PDE1A: variants seen among roughly 807,000 people sequenced by gnomAD.
The protein encoded by PDE1A is phosphodiesterase 1A.
In PDE1A, 35 loss-of-function variants were observed where a neutral mutation model predicts 61.7. The ratio of observed to expected loss-of-function variants is 0.57; its 90% CI spans 0.43 to 0.75. The LOEUF is 0.75. Among genes scored for constraint, PDE1A ranks in the 30% least tolerant of loss-of-function variants. The pLI, the probability that PDE1A is intolerant of heterozygous loss-of-function variation, is 0.00. For synonymous variants in PDE1A, 232 were observed against 213.2 expected, an observed-to-expected ratio of 1.09 and a Z score of -0.77; for missense variants, 597 against 630.6, an observed-to-expected ratio of 0.95 and a Z score of 0.57.
At chr2:182,589,269 GAGGAAGGA>G in the PDE1A span, among the ~76,000 whole-genome samples, 48,574 of 121,742 alleles carry the variant, frequency 0.4, 10,508 homozygotes, top group East Asian at 0.65. Flanking sequence ...GGGAGGGAGG[GAGGAAGGA>G]AGGAAGGAAG....
intron 2 of PDE1A, among the ~76,000 whole-genome samples, chr2:182,444,698 G>A (rs964866141): frequency 6.6e-6 from 1 of 151,440 alleles, no homozygotes; most frequent in South Asian, 2.1e-4. Flanking sequence ...CAGTAGTAAT[G>A]GGCATACCTA....
chr2:182,324,802 A>G (rs994512567), intron 1 of PDE1A, among the ~76,000 whole-genome samples: 1 of 152,186 alleles, frequency 6.6e-6, no homozygotes, highest in African/African-American at 2.4e-5. Flanking sequence ...CCCTCAATGC[A>G]AAACCAAGTC....
At chr2:182,199,814 T>TA (rs2125462058) in intron 10 of PDE1A, among the ~76,000 whole-genome samples, 1 of 152,284 alleles carries the variant, frequency 6.6e-6, no homozygotes, top group Admixed American at 6.5e-5. Context: ...TAACTTTCTC[T>TA]AGGAATATAA....
chr2:182,694,319 T>C, the PDE1A span, among the ~76,000 whole-genome samples: 2 of 152,228 alleles, frequency 1.3e-5, no homozygotes. Flanking sequence ...CTTAGTTCTA[T>C]TGAGATATAT....
At chr2:182,318,363 G>A (rs1471447604) in intron 1 of PDE1A, among the ~76,000 whole-genome samples, 2 of 152,024 alleles carry the variant, frequency 1.3e-5, no homozygotes, top group African/African-American at 2.4e-5. Flanking sequence ...GAAAATCACC[G>A]CTCACATCAT....
chr2:182,680,987 G>A, the PDE1A span, among the ~76,000 whole-genome samples: 1 of 152,138 alleles, frequency 6.6e-6, no homozygotes, highest in African/African-American at 2.4e-5. Context: ...TGCTGCCGTG[G>A]AAAAGGGCAG....
At chr2:182,468,606 T>G (rs1686822749) in intron 2 of PDE1A, among the ~76,000 whole-genome samples, 1 of 152,004 alleles carries the variant, frequency 6.6e-6, no homozygotes, top group Admixed American at 6.6e-5. Flanking sequence ...ATGTTGATAT[T>G]TTGGCCTCCT....
chr2:182,155,758 A>G (rs893095476), intron 13 of PDE1A, among the ~76,000 whole-genome samples: 6 of 152,114 alleles, frequency 3.9e-5, no homozygotes, highest in Non-Finnish European at 5.9e-5. Flanking sequence ...GGGTGTTGTG[A>G]CGCATGCCTG....
chr2:182,515,517 T>G (rs1349147712), intron 2 of PDE1A, among the ~76,000 whole-genome samples: 1 of 152,252 alleles, frequency 6.6e-6, no homozygotes, highest in African/African-American at 2.4e-5. Flanking sequence ...ATCTGTAAGG[T>G]ATTCCACCTT....
intron 1 of PDE1A, among the ~76,000 whole-genome samples, chr2:182,324,616 A>G (rs1198022438): frequency 6.6e-6 from 1 of 152,166 alleles, no homozygotes; most frequent in Non-Finnish European, 1.5e-5. Context: ...TTGAGGTTTC[A>G]TATTTTGCCC....
At chr2:182,547,830 T>C in the PDE1A span, among the ~76,000 whole-genome samples, 1 of 152,240 alleles carries the variant, frequency 6.6e-6, no homozygotes, top group African/African-American at 2.4e-5. Flanking sequence ...AATGGCATCA[T>C]GTGAATTAAC....
intron 13 of PDE1A, among the ~76,000 whole-genome samples, chr2:182,156,101 T>C (rs1462352166): frequency 1.3e-5 from 2 of 152,184 alleles, no homozygotes; most frequent in African/African-American, 2.4e-5. Context: ...TCACCAGCCA[T>C]ATCAATAATC....
the PDE1A span, among the ~76,000 whole-genome samples, chr2:182,610,554 A>G: frequency 0.4 from 60,925 of 152,012 alleles, 13,652 homozygotes; most frequent in East Asian, 0.58. Context: ...GAATGGCAAT[A>G]TTTTAAAGGA....
intron 1 of PDE1A, among the ~76,000 whole-genome samples, chr2:182,384,285 A>G (rs79558974): frequency 0.021 from 3,185 of 152,234 alleles, 114 homozygotes; most frequent in African/African-American, 0.073. Context: ...CATCAAACAG[A>G]CAAAATGAGG....
At chr2:182,578,944 G>T in the PDE1A span, among the ~76,000 whole-genome samples, 2 of 152,134 alleles carry the variant, frequency 1.3e-5, no homozygotes, top group Admixed American at 1.3e-4. Flanking sequence ...CTGAAGTTCT[G>T]CTCAACAAAT....
the PDE1A span, chr2:182,716,008 A>C: frequency 1.3e-5 from 2 of 152,410 alleles, no homozygotes; most frequent in African/African-American, 2.4e-5. Flanking sequence ...GGGCTTCGCC[A>C]TCCACCCTCC....
chr2:182,426,841 G>A, exon 1 of PDE1A: 1 of 1,382,578 alleles, frequency 7.2e-7, no homozygotes, highest in Non-Finnish European at 9.3e-7. Context: ...GGCACGTTGG[G>A]GCACTCCCCC....
chr2:182,616,051 T>C, the PDE1A span, among the ~76,000 whole-genome samples: 1 of 152,218 alleles, frequency 6.6e-6, no homozygotes, highest in African/African-American at 2.4e-5. Flanking sequence ...TTAACATTTT[T>C]TAAGTCTTAG....
intron 2 of PDE1A, among the ~76,000 whole-genome samples, chr2:182,250,265 T>C (rs1172719205): frequency 6.6e-6 from 1 of 152,230 alleles, no homozygotes; most frequent in African/African-American, 2.4e-5. Flanking sequence ...AATCTTTAGT[T>C]GGAGGAAGCT....
Sources: allele counts gnomAD v4.1 joint callset (sites outside exome capture counted in the v4.1 genomes callset), GRCh38; gene constraint gnomAD v4.1.1; transcripts MANE v1.5; gene names NCBI Gene and HGNC (gene_info 2026-07-23, HGNC 2026-07-21).